The following ACYP2 variants were observed in gnomAD, a reference collection of about 807,000 sequenced individuals.
The protein encoded by ACYP2 is acylphosphatase-2.
Under a neutral mutation model 11.2 loss-of-function variants are expected in ACYP2, and 12 were observed. The observed-to-expected ratio is 1.08, with a 90% CI of 0.69 to 1.74. The LOEUF is 1.74. ACYP2 is among the 40% of genes most tolerant of loss of function. The pLI is 0.00. For synonymous variants in ACYP2, 43 were observed against 32.2 expected, an observed-to-expected ratio of 1.33 and a Z score of -1.13; for missense variants, 134 against 101.9, an observed-to-expected ratio of 1.31 and a Z score of -1.35.
chr2:54,093,256 A>G (rs1266433626), intron 4 of ACYP2, among the ~76,000 whole-genome samples: 1 of 152,196 alleles, frequency 6.6e-6, no homozygotes, highest in Non-Finnish European at 1.5e-5. Flanking sequence ...ATCAATATGT[A>G]AAGGTGTAAG....
chr2:54,049,963 C>T (rs1354958575), intron 2 of ACYP2, among the ~76,000 whole-genome samples: 3 of 152,166 alleles, frequency 2.0e-5, no homozygotes, highest in Non-Finnish European at 4.4e-5. Context: ...CAAATCTATG[C>T]ACAAGTGTGC....
chr2:54,295,101 T>C (rs150936513), intron 6 of ACYP2, among the ~76,000 whole-genome samples: 3 of 152,286 alleles, frequency 2.0e-5, no homozygotes, highest in East Asian at 3.9e-4. Flanking sequence ...CAGGATGGAC[T>C]TGGCCCTCCT....
At chr2:54,151,348 G>T (rs181608406) in intron 6 of ACYP2, among the ~76,000 whole-genome samples, 129 of 152,280 alleles carry the variant, frequency 8.5e-4, no homozygotes, top group African/African-American at 2.8e-3. Context: ...CTTTTCTCCA[G>T]CAGACCATTA....
chr2:54,165,563 A>G (rs1261784858), intron 6 of ACYP2, among the ~76,000 whole-genome samples: 1 of 149,972 alleles, frequency 6.7e-6, no homozygotes, highest in Non-Finnish European at 1.5e-5. Context: ...ACACACACAC[A>G]CACACACACA....
intron 2 of ACYP2, among the ~76,000 whole-genome samples, chr2:54,031,133 T>A (rs1326661731): frequency 6.6e-6 from 1 of 152,110 alleles, no homozygotes; most frequent in Non-Finnish European, 1.5e-5. Flanking sequence ...TTCTTCTTTT[T>A]TTATTATTAT....
chr2:54,281,332 G>A lies in ACYP2; in HGVS notation c.405-23356G>A, dbSNP rs116499826. 2.8e-3 allele frequency among the ~76,000 whole-genome samples: 434 copies of A among 152,294 alleles called. 4 individuals are homozygous for A. Among genetic ancestry groups the A allele is most frequent in the African/African-American group, 9.9e-3 (410 of 41,550 alleles). On this transcript the variant is annotated intron_variant, in intron 6 of 6. Coordinates refer to ENST00000607452, the MANE Select transcript of ACYP2 (RefSeq NM_001320586.2). ...TTATTTACTTCAGTTATCAAATTAA[G>A]TACCATGTTTAAAGCAAATCAGTGG... is the stretch of plus-strand genomic sequence containing the variant.
chr2:54,295,993 T>C (rs1418236401), intron 6 of ACYP2, among the ~76,000 whole-genome samples: 1 of 151,974 alleles, frequency 6.6e-6, no homozygotes, highest in Admixed American at 6.6e-5. Context: ...ATTCCTGGCC[T>C]CAAGTGATCT....
chr2:54,105,886 A>G (rs901747310), intron 4 of ACYP2, among the ~76,000 whole-genome samples: 2 of 151,980 alleles, frequency 1.3e-5, no homozygotes, highest in Non-Finnish European at 2.9e-5. Context: ...AGTGAATGAA[A>G]GACTGTTGAA....
At chr2:54,021,229 A>G (rs1190433309) in intron 2 of ACYP2, among the ~76,000 whole-genome samples, 1 of 152,204 alleles carries the variant, frequency 6.6e-6, no homozygotes, top group African/African-American at 2.4e-5. Context: ...GGGATGATTC[A>G]GGTCAGAGCA....
At chr2:54,099,585 A>T (rs1357071970) in intron 4 of ACYP2, among the ~76,000 whole-genome samples, 3 of 152,192 alleles carry the variant, frequency 2.0e-5, no homozygotes, top group Non-Finnish European at 2.9e-5. Flanking sequence ...CCTCAGATTC[A>T]TCCATGTTGT....
intron 6 of ACYP2, among the ~76,000 whole-genome samples, chr2:54,153,132 T>G (rs989629044): frequency 1.3e-5 from 2 of 152,226 alleles, no homozygotes; most frequent in Non-Finnish European, 2.9e-5. Context: ...TTAATCCATT[T>G]CGAGTTGTGT....
intron 6 of ACYP2, among the ~76,000 whole-genome samples, chr2:54,242,246 T>C (rs1482787669): frequency 6.6e-6 from 1 of 152,206 alleles, no homozygotes; most frequent in Non-Finnish European, 1.5e-5. Flanking sequence ...AGTTTTGTCA[T>C]CTATACAACG....
intron 2 of ACYP2, among the ~76,000 whole-genome samples, chr2:54,048,257 T>A (rs1287806969): frequency 6.6e-6 from 1 of 151,998 alleles, no homozygotes; most frequent in East Asian, 1.9e-4. Context: ...AGATGTTGTC[T>A]CTACTGAAAA....
At chr2:54,159,519 G>C (rs1161203669) in intron 6 of ACYP2, among the ~76,000 whole-genome samples, 1 of 151,886 alleles carries the variant, frequency 6.6e-6, no homozygotes, top group Non-Finnish European at 1.5e-5. Flanking sequence ...GGATATTTTT[G>C]AATAGTTAAA....
chr2:54,144,572 G>A (rs1233912774), intron 6 of ACYP2, among the ~76,000 whole-genome samples: 3 of 151,596 alleles, frequency 2.0e-5, no homozygotes, highest in Non-Finnish European at 4.4e-5. Flanking sequence ...TACTTGGGAG[G>A]CTGAAGCAGG....
At chr2:54,013,677 C>T (rs1332998933) in intron 2 of ACYP2, among the ~76,000 whole-genome samples, 1 of 146,732 alleles carries the variant, frequency 6.8e-6, no homozygotes, top group East Asian at 2.0e-4. Flanking sequence ...AGTTCTATGA[C>T]GAGTTTATTT....
chr2:54,199,854 A>C (rs1684684343), intron 6 of ACYP2, among the ~76,000 whole-genome samples: 1 of 152,222 alleles, frequency 6.6e-6, no homozygotes. Flanking sequence ...TGCGGGACCC[A>C]CGCTGATGGG....
At chr2:54,182,205 G>A (rs374039824) in intron 6 of ACYP2, among the ~76,000 whole-genome samples, 3 of 151,300 alleles carry the variant, frequency 2.0e-5, no homozygotes, top group Non-Finnish European at 4.4e-5. Context: ...GATTACAGGC[G>A]CCCGCCACCA....
intron 6 of ACYP2, among the ~76,000 whole-genome samples, chr2:54,184,121 A>T: frequency 6.6e-6 from 1 of 152,214 alleles, no homozygotes; most frequent in East Asian, 1.9e-4. Flanking sequence ...TCACCTAAGC[A>T]TTCCTACTTA....
Sources: allele counts gnomAD v4.1 joint callset (sites outside exome capture counted in the v4.1 genomes callset), GRCh38; gene constraint gnomAD v4.1.1; transcripts MANE v1.5; gene names NCBI Gene and HGNC (gene_info 2026-07-23, HGNC 2026-07-21).